The following AFG1L variants were observed in gnomAD, a reference collection of about 807,000 sequenced individuals.
AFG1L encodes AFG1 like ATPase, also known as AFG1-like ATPase.
In AFG1L, 53 loss-of-function variants were observed where a neutral mutation model predicts 62.2. The ratio of observed to expected loss-of-function variants is 0.85; its 90% confidence interval spans 0.68 to 1.07. The LOEUF is 1.07. Among genes scored for constraint, AFG1L ranks in the 50% least tolerant of loss-of-function variants. The probability of loss-of-function intolerance (pLI) is 0.00; values close to 1 mark genes in which losing one functional copy is unlikely to be tolerated. For synonymous variants in AFG1L, 228 were observed against 210.3 expected, an observed-to-expected ratio of 1.08 and a Z score of -0.73; for missense variants, 555 against 590.5, an observed-to-expected ratio of 0.94 and a Z score of 0.62.
chr6:108,341,133 T>C (rs1047586714), intron 2 of AFG1L, among the ~76,000 whole-genome samples: 2 of 152,168 alleles, frequency 1.3e-5, no homozygotes, highest in African/African-American at 2.4e-5. Flanking sequence ...GTATATATTT[T>C]AGTATGAGAT....
chr6:108,399,573 A>T (rs1051191401), intron 6 of AFG1L, among the ~76,000 whole-genome samples: 2 of 146,614 alleles, frequency 1.4e-5, no homozygotes, highest in African/African-American at 5.0e-5. Flanking sequence ...TGTTTTTCAT[A>T]TTGTTTACTG....
rs201907556 is a variant in AFG1L at position 108,411,582 on chromosome 6, A to G, written c.807+9528A>G. Among the ~76,000 whole-genome samples the G allele has an allele frequency of 5.3e-5, 8 of 152,298 alleles. No homozygotes were observed. The East Asian group carries it at 1.5e-3, about 29-fold the overall frequency. On this transcript the variant is annotated intron_variant, in intron 7 of 12. Coordinates refer to ENST00000368977, the MANE Select transcript of AFG1L (RefSeq NM_145315.5). Reference sequence around the variant, plus strand: ...CTTCCAGAGGAAGGATCAGGCAGCAACATTTTCCGTTCTGCAATATTTGCT... The same window carrying G: ...CTTCCAGAGGAAGGATCAGGCAGCAGCATTTTCCGTTCTGCAATATTTGCT...
chr6:108,375,958 G>C (rs1320283876), intron 6 of AFG1L, among the ~76,000 whole-genome samples: 1 of 152,076 alleles, frequency 6.6e-6, no homozygotes, highest in African/African-American at 2.4e-5. Flanking sequence ...TTTTGGATTA[G>C]TAGGTTTTTA....
At chr6:108,433,188 G>C (rs1185709538) in intron 7 of AFG1L, among the ~76,000 whole-genome samples, 2 of 152,142 alleles carry the variant, frequency 1.3e-5, no homozygotes, top group Non-Finnish European at 2.9e-5. Flanking sequence ...TTTCAGTTAT[G>C]TGAACAAATA....
intron 10 of AFG1L, among the ~76,000 whole-genome samples, chr6:108,509,996 G>A (rs1196706028): frequency 1.3e-5 from 2 of 152,112 alleles, no homozygotes; most frequent in African/African-American, 4.8e-5. Flanking sequence ...GCATGGATGT[G>A]ATTTCTATCA....
intron 7 of AFG1L, among the ~76,000 whole-genome samples, chr6:108,432,149 A>C (rs996498104): frequency 2.0e-5 from 3 of 151,982 alleles, no homozygotes; most frequent in Non-Finnish European, 2.9e-5. Context: ...GTTCCAAATC[A>C]TAGTGGTCCT....
At chr6:108,492,696 T>C (rs895821357) in intron 10 of AFG1L, among the ~76,000 whole-genome samples, 1 of 151,980 alleles carries the variant, frequency 6.6e-6, no homozygotes, top group South Asian at 2.1e-4. Flanking sequence ...GAAATAATTC[T>C]AGCAACAGTT....
At chr6:108,427,846 G>C (rs1770896112) in intron 7 of AFG1L, among the ~76,000 whole-genome samples, 1 of 151,970 alleles carries the variant, frequency 6.6e-6, no homozygotes, top group African/African-American at 2.4e-5. Flanking sequence ...TAGGTCAAAG[G>C]CTCTTGTAAT....
chr6:108,471,705 C>T (rs1346754976), intron 8 of AFG1L, among the ~76,000 whole-genome samples: 3 of 151,924 alleles, frequency 2.0e-5, no homozygotes, highest in Non-Finnish European at 2.9e-5. Flanking sequence ...TTGATCCGCC[C>T]GCCTCGGCCT....
At chr6:108,481,981 T>G (rs1238708333) in intron 10 of AFG1L, among the ~76,000 whole-genome samples, 3 of 152,244 alleles carry the variant, frequency 2.0e-5, no homozygotes, top group Non-Finnish European at 4.4e-5. Context: ...CAATATTTGT[T>G]GCCAGTGATA....
intron 1 of AFG1L, among the ~76,000 whole-genome samples, chr6:108,298,867 A>G (rs1210748975): frequency 1.3e-5 from 2 of 152,218 alleles, no homozygotes; most frequent in Non-Finnish European, 2.9e-5. Flanking sequence ...AAGCTGAAGT[A>G]GATAGAGTGT....
chr6:108,371,062 T>A (rs995413811), intron 6 of AFG1L, among the ~76,000 whole-genome samples: 1 of 152,192 alleles, frequency 6.6e-6, no homozygotes, highest in African/African-American at 2.4e-5. Flanking sequence ...TCACTGTTTT[T>A]TCTAGCCCTA....
chr6:108,318,738 G>A (rs1282512415), intron 1 of AFG1L, among the ~76,000 whole-genome samples: 2 of 152,162 alleles, frequency 1.3e-5, no homozygotes, highest in Non-Finnish European at 2.9e-5. Flanking sequence ...CAGACTTTTT[G>A]GGTTCCTAAA....
chr6:108,395,513 C>G (rs184953074), intron 6 of AFG1L, among the ~76,000 whole-genome samples: 1 of 150,446 alleles, frequency 6.6e-6, no homozygotes, highest in East Asian at 2.0e-4. Flanking sequence ...GTGAGCCTCC[C>G]ACCTCATCTT....
At chr6:108,393,050 C>T (rs1781128009) in intron 6 of AFG1L, among the ~76,000 whole-genome samples, 1 of 152,086 alleles carries the variant, frequency 6.6e-6, no homozygotes, top group African/African-American at 2.4e-5. Flanking sequence ...GTACTTATAC[C>T]ATTTTTTACA....
Position 108,343,070 on chromosome 6 carries a change from CT to C in AFG1L, c.364-3906del, listed in dbSNP as rs1318016021. Among the ~76,000 whole-genome samples, 477 of 143,636 alleles carry C rather than the reference CT, an allele frequency of 3.3e-3. 1 individual carries two copies. The highest frequency in any genetic ancestry group is 8.0e-3 in the East Asian group (40 of 5,002). 94.2% of individuals were successfully genotyped at this position (143,636 alleles called of 152,430 possible). ...ACTGTGAGTGCAACTTTTTCTTTTT[CT>C]TTTTTTTTTTTGAGTTGGAGTCTTC... is the stretch of plus-strand genomic sequence containing the variant. On this transcript the variant is annotated intron_variant, in intron 2 of 12. Transcript: ENST00000368977.
chr6:108,300,871 A>C (rs1328977395), intron 1 of AFG1L, among the ~76,000 whole-genome samples: 1 of 151,924 alleles, frequency 6.6e-6, no homozygotes, highest in African/African-American at 2.4e-5. Flanking sequence ...ATGGGGTTTC[A>C]CCATATTAGC....
At chr6:108,355,292 G>C (rs1269967563) in intron 3 of AFG1L, among the ~76,000 whole-genome samples, 1 of 151,756 alleles carries the variant, frequency 6.6e-6, no homozygotes, top group Non-Finnish European at 1.5e-5. Flanking sequence ...AGTTCCTTAT[G>C]CATAGTAATG....
chr6:108,303,935 T>G lies in AFG1L; in HGVS notation c.139+8717T>G, dbSNP rs192879885. Among the ~76,000 whole-genome samples, 95 of 152,354 alleles carry G rather than the reference T, an allele frequency of 6.2e-4. 2 individuals are homozygous for G. The East Asian group carries it at 0.018, about 28-fold the overall frequency. On this transcript the variant is annotated intron_variant, in intron 1 of 12. Coordinates refer to ENST00000368977, the MANE Select transcript of AFG1L (RefSeq NM_145315.5). ...TCAGTATGCTGGGCCATGCCTGTAA[T>G]TACTTCAGAATAGCTTTATTCAGAT...
Sources: gnomAD v4.1 joint callset for allele counts (sites outside exome capture counted in the v4.1 genomes callset) on GRCh38, gnomAD v4.1.1 for gene constraint, MANE v1.5 for transcripts, NCBI Gene and HGNC (gene_info 2026-07-23, HGNC 2026-07-21) for gene names.